Variants in ZNF578 observed in about 807,000 individuals in gnomAD.
The protein encoded by ZNF578 is zinc finger protein 578, also known as Putative chemokine-related protein B42.
Under a neutral mutation model 8.3 loss-of-function variants are expected in ZNF578, and 8 were observed. That is an observed-to-expected ratio of 0.96 (90% CI 0.56 to 1.74). The LOEUF (loss-of-function observed/expected upper bound fraction) is 1.74, where lower values mean the gene tolerates loss of function less well. Ranked by LOEUF, ZNF578 falls within the 40% of genes most tolerant of loss-of-function variation. The pLI is 0.00. For synonymous variants in ZNF578, 206 were observed against 232.2 expected (o/e 0.89, Z 1.03); for missense variants, 726 against 707.5 (o/e 1.03, Z -0.30).
At chr19:52,486,626 CAG>C (rs775639521) in intron 2 of ZNF578, among the ~76,000 whole-genome samples, 1 of 151,904 alleles carries the variant, frequency 6.6e-6, no homozygotes, top group Non-Finnish European at 1.5e-5. Context: ...CCAGGGCAGA[CAG>C]AGCAGAGTGG....
At chr19:52,456,838 T>A (rs2059241211) in intron 1 of ZNF578, 30 bp from the exon 2 acceptor site, 2 of 154,238 alleles carry the variant, frequency 1.3e-5, no homozygotes, top group South Asian at 2.0e-4. Flanking sequence ...ACTTGTTTTT[T>A]AAAAAGTTTT....
At chr19:52,481,362 A>C (rs1444399722) in intron 2 of ZNF578, among the ~76,000 whole-genome samples, 1 of 152,152 alleles carries the variant, frequency 6.6e-6, no homozygotes, top group African/African-American at 2.4e-5. Context: ...TTAAAGACAA[A>C]AGAATATGTT....
At chr19:52,495,296 A>C (rs2059382049) in intron 3 of ZNF578, among the ~76,000 whole-genome samples, 1 of 143,816 alleles carries the variant, frequency 7.0e-6, no homozygotes, top group East Asian at 1.9e-4. Flanking sequence ...CCCCCTGAGT[A>C]GCTGGGATTA....
At chr19:52,486,498 A>T (rs2059346325) in intron 2 of ZNF578, among the ~76,000 whole-genome samples, 1 of 152,216 alleles carries the variant, frequency 6.6e-6, no homozygotes, top group Non-Finnish European at 1.5e-5. Context: ...GGACAAAAGG[A>T]ACTGGAGAAA....
intron 2 of ZNF578, among the ~76,000 whole-genome samples, chr19:52,479,542 C>CAAAA (rs34862610): frequency 1.6e-5 from 1 of 64,250 alleles, no homozygotes; most frequent in South Asian, 5.5e-4. Flanking sequence ...GACTCCATCT[C>CAAAA]AAAAAAAAAA....
intron 2 of ZNF578, chr19:52,473,722 C>A: frequency 4.0e-6 from 1 of 251,236 alleles, no homozygotes; most frequent in South Asian, 1.4e-4. Flanking sequence ...TATCACATTC[C>A]TTACATGTAT....
At chr19:52,464,226 A>G (rs2122775929) in intron 2 of ZNF578, among the ~76,000 whole-genome samples, 1 of 152,308 alleles carries the variant, frequency 6.6e-6, no homozygotes, top group East Asian at 1.9e-4. Flanking sequence ...TAGGGAAGAC[A>G]ATGAATTGTA....
intron 2 of ZNF578, among the ~76,000 whole-genome samples, chr19:52,483,144 G>A (rs1293836994): frequency 3.3e-5 from 5 of 151,952 alleles, no homozygotes; most frequent in African/African-American, 4.8e-5. Context: ...GGCCGTGCGC[G>A]GTGGCTCACA....
At chr19:52,498,978 T>A (rs1460735720) in intron 3 of ZNF578, among the ~76,000 whole-genome samples, 2 of 152,178 alleles carry the variant, frequency 1.3e-5, no homozygotes, top group Non-Finnish European at 2.9e-5. Flanking sequence ...TCACCATTCC[T>A]GGCTGGTCTT....
intron 2 of ZNF578, among the ~76,000 whole-genome samples, chr19:52,462,045 C>T (rs2059259883): frequency 6.6e-6 from 1 of 152,152 alleles, no homozygotes; most frequent in Admixed American, 6.5e-5. Context: ...TCTTAGGGGA[C>T]CAATCAATGA....
intron 5 of ZNF578, among the ~76,000 whole-genome samples, chr19:52,506,723 T>A (rs561423093): frequency 2.8e-3 from 423 of 152,284 alleles, no homozygotes; most frequent in Admixed American, 6.9e-3. Context: ...ACCTGCCCAT[T>A]ATGCCTGGCG....
chr19:52,462,365 C>T (rs1188588223), intron 2 of ZNF578, among the ~76,000 whole-genome samples: 2 of 152,188 alleles, frequency 1.3e-5, no homozygotes, highest in African/African-American at 4.8e-5. Flanking sequence ...CATTTATTAA[C>T]ATTCCTTCCT....
intron 2 of ZNF578, among the ~76,000 whole-genome samples, chr19:52,486,712 G>A (rs929118442): frequency 4.0e-5 from 6 of 151,830 alleles, no homozygotes; most frequent in African/African-American, 9.7e-5. Context: ...CCACAGGGTC[G>A]GGACACGGGA....
intron 1 of ZNF578, chr19:52,455,534 C>G (rs1317972253): frequency 6.6e-6 from 1 of 152,172 alleles, no homozygotes; most frequent in South Asian, 2.1e-4. Context: ...GTTTTAAACC[C>G]TACCTTTATG....
rs1278951985 is a variant in ZNF578, at chr19:52,514,773, C to T, written c.*2619C>T. ...TACCTCCTTGGATCAAGTGATGCTC[C>T]TGCCTCAGTCTCCTGAGGAGCTGGA... On this transcript the variant is annotated 3_prime_UTR_variant, in exon 6 of 6. Coordinates refer to ENST00000421239, the MANE Select transcript of ZNF578 (RefSeq NM_001099694.2). Among the ~76,000 whole-genome samples, 1 of 152,052 alleles carries T rather than the reference C, an allele frequency of 6.6e-6. No individual in the cohort carries two copies. The highest frequency in any genetic ancestry group is 2.4e-5 in the African/African-American group (1 of 41,404).
intron 1 of ZNF578, chr19:52,454,684 G>T (rs1265148451): frequency 6.6e-6 from 1 of 152,176 alleles, no homozygotes; most frequent in Admixed American, 6.5e-5. Flanking sequence ...GTGTTTATCT[G>T]GTCAGTCAGA....
chr19:52,462,987 T>A (rs553931732), intron 2 of ZNF578, among the ~76,000 whole-genome samples: 1 of 152,330 alleles, frequency 6.6e-6, no homozygotes, highest in East Asian at 1.9e-4. Flanking sequence ...GCTGCTGTAG[T>A]AACCTGATCC....
chr19:52,482,057 G>C (rs1446531860), intron 2 of ZNF578, among the ~76,000 whole-genome samples: 2 of 151,654 alleles, frequency 1.3e-5, no homozygotes, highest in Non-Finnish European at 2.9e-5. Context: ...TTTTGAGAGA[G>C]AGTTTTGCTC....
At chr19:52,495,362 A>AT in intron 3 of ZNF578, among the ~76,000 whole-genome samples, 1 of 146,630 alleles carries the variant, frequency 6.8e-6, no homozygotes, top group East Asian at 1.9e-4. Context: ...AGGCAGGAGA[A>AT]TCACTTGAAC....
Sources: gnomAD v4.1 joint callset for allele counts (sites outside exome capture counted in the v4.1 genomes callset) on GRCh38, gnomAD v4.1.1 for gene constraint, MANE v1.5 for transcripts, NCBI Gene and HGNC (gene_info 2026-07-23, HGNC 2026-07-21) for gene names.